The following MBOAT1 variants were observed in gnomAD, a reference collection of about 807,000 sequenced individuals.
MBOAT1 encodes membrane bound glycerophospholipid O-acyltransferase 1.
Under a neutral mutation model 64.4 loss-of-function variants are expected in MBOAT1, and 67 were observed. The observed-to-expected ratio is 1.04, with a 90% CI of 0.85 to 1.27. MBOAT1 has a LOEUF of 1.27. MBOAT1 is among the 50% of genes most tolerant of loss of function. The pLI is 0.00. For missense variants in MBOAT1, 563 were observed against 604.6 expected (o/e 0.93, Z 0.72); for synonymous variants, 229 against 218.9 (o/e 1.05, Z -0.41).
At chr6:20,144,826 G>A (rs1218460462) in intron 3 of MBOAT1, among the ~76,000 whole-genome samples, 7 of 152,074 alleles carry the variant, frequency 4.6e-5, no homozygotes, top group African/African-American at 1.7e-4. Flanking sequence ...TTCCTCCAAG[G>A]CTCCTTGCTC....
At chr6:20,197,120 AT>A (rs35169311) in intron 1 of MBOAT1, among the ~76,000 whole-genome samples, 110,342 of 150,998 alleles carry the variant, frequency 0.73, 40,695 homozygotes, top group Admixed American at 0.79. Context: ...ATCTTTACAA[AT>A]TTTTTTTTTT....
chr6:20,136,091 T>C (rs2113668306), intron 4 of MBOAT1, among the ~76,000 whole-genome samples: 1 of 152,340 alleles, frequency 6.6e-6, no homozygotes, highest in East Asian at 1.9e-4. Flanking sequence ...TTCAGTGGAA[T>C]GCTCCCAATT....
At chr6:20,185,695 C>T (rs1427507652) in intron 1 of MBOAT1, among the ~76,000 whole-genome samples, 1 of 152,136 alleles carries the variant, frequency 6.6e-6, no homozygotes, top group Non-Finnish European at 1.5e-5. Flanking sequence ...TGACAGTGTC[C>T]AACATATGGC....
At chr6:20,195,295 T>C (rs1762923478) in intron 1 of MBOAT1, among the ~76,000 whole-genome samples, 1 of 152,186 alleles carries the variant, frequency 6.6e-6, no homozygotes, top group Admixed American at 6.5e-5. Flanking sequence ...CGAATGCTTT[T>C]TTACTTTGTT....
chr6:20,163,448 C>G (rs1761922357), intron 1 of MBOAT1, among the ~76,000 whole-genome samples: 2 of 152,122 alleles, frequency 1.3e-5, no homozygotes, highest in Non-Finnish European at 1.5e-5. Flanking sequence ...ATTCCTTCTG[C>G]CTGTATAATT....
intron 1 of MBOAT1, among the ~76,000 whole-genome samples, chr6:20,204,000 A>G (rs1317091526): frequency 1.3e-5 from 2 of 152,348 alleles, no homozygotes; most frequent in South Asian, 2.1e-4. Context: ...GCTGTTTTAC[A>G]GATGGGAAGC....
Position 20,101,897 on chromosome 6 carries a change from C to T in MBOAT1, c.*389G>A, listed in dbSNP as rs1285456050. 4.6e-5 allele frequency among the ~76,000 whole-genome samples: 7 copies of T among 151,700 alleles called. No homozygotes were observed. Among genetic ancestry groups the T allele is most frequent in the African/African-American group, 1.5e-4 (6 of 41,314 alleles). Reference sequence around the variant, plus strand: ...TTGGGAGGCCGAGGCGGGCGGATCACGAGGTCAGGAGATCGAGACCATCCC... The same window carrying T: ...TTGGGAGGCCGAGGCGGGCGGATCATGAGGTCAGGAGATCGAGACCATCCC... On this transcript the variant is annotated 3_prime_UTR_variant, in exon 13 of 13. Transcript: ENST00000324607.
intron 1 of MBOAT1, among the ~76,000 whole-genome samples, chr6:20,193,604 C>CT (rs367932037): frequency 0.15 from 19,677 of 129,734 alleles, 2,206 homozygotes; most frequent in African/African-American, 0.31. Flanking sequence ...ACCAAAAATC[C>CT]TTTTTTTTTT....
Position 20,111,058 on chromosome 6 carries a change from T to C in MBOAT1, c.1210-1309A>G, listed in dbSNP as rs1470543216. On this transcript the variant is annotated intron_variant, in intron 11 of 12. Transcript: ENST00000324607. ...GATTCTCTCATCAAGCCTATTATGT[T>C]AGCATCATGATTCCCGTTTTACAGA... Among the ~76,000 whole-genome samples, 2 of 152,220 alleles carry C rather than the reference T, an allele frequency of 1.3e-5. 1 individual carries two copies. The highest frequency in any genetic ancestry group is 2.9e-5 in the Non-Finnish European group (2 of 68,034).
chr6:20,120,965 ATAAAT>A lies in MBOAT1; in HGVS notation c.908-2430_908-2426del, dbSNP rs551611460. 7.2e-5 allele frequency among the ~76,000 whole-genome samples: 11 copies of A among 152,334 alleles called. No homozygotes were observed. The South Asian group carries it at 2.3e-3, about 32-fold the overall frequency. ...GCATGGTTCCAATCTATTATTACAG[ATAAAT>A]TAATTTGTACGCCCATCTGTTGGAC... On this transcript the variant is annotated intron_variant, in intron 8 of 12. Transcript: ENST00000324607.
At chr6:20,189,167 A>T (rs1398179750) in intron 1 of MBOAT1, among the ~76,000 whole-genome samples, 1 of 152,198 alleles carries the variant, frequency 6.6e-6, no homozygotes, top group Non-Finnish European at 1.5e-5. Context: ...GGTCCTTAGG[A>T]CATTTTGAGA....
intron 7 of MBOAT1, among the ~76,000 whole-genome samples, chr6:20,125,392 G>A (rs930795674): frequency 3.9e-5 from 6 of 152,278 alleles, no homozygotes; most frequent in African/African-American, 1.2e-4. Flanking sequence ...TGCTTAGCAC[G>A]CTCAGCCACA....
At chr6:20,133,949 G>A (rs1760906848) in intron 4 of MBOAT1, among the ~76,000 whole-genome samples, 1 of 152,172 alleles carries the variant, frequency 6.6e-6, no homozygotes, top group African/African-American at 2.4e-5. Context: ...ATGACTGAGT[G>A]CAGTAGGGAC....
At chr6:20,112,660 AACAT>A (rs1464415163) in intron 11 of MBOAT1, among the ~76,000 whole-genome samples, 4 of 152,208 alleles carry the variant, frequency 2.6e-5, no homozygotes, top group African/African-American at 9.7e-5. Flanking sequence ...ACGAACTACG[AACAT>A]ACAATGGTTA....
intron 10 of MBOAT1, among the ~76,000 whole-genome samples, chr6:20,113,649 GT>G (rs1760237925): frequency 1.3e-5 from 2 of 151,922 alleles, no homozygotes; most frequent in Admixed American, 1.3e-4. Flanking sequence ...TCTAGCAAAT[GT>G]CAGCAAATAC....
At chr6:20,168,632 AGAAGAGAAGAGAGG>A (rs1428756218) in intron 1 of MBOAT1, among the ~76,000 whole-genome samples, 14 of 126,774 alleles carry the variant, frequency 1.1e-4, no homozygotes, top group African/African-American at 3.7e-4. Context: ...AGAAGAGAAG[AGAAGAGAAGAGAGG>A]AGAGGAGAGG....
chr6:20,192,995 CTTTTTTTTTTTTTT>C (rs1174816793), intron 1 of MBOAT1, among the ~76,000 whole-genome samples: 10 of 55,048 alleles, frequency 1.8e-4, no homozygotes, highest in African/African-American at 5.7e-4. Flanking sequence ...GCTATAATTT[CTTTTTTTTTTTTTT>C]TTTTTTTTTT....
At chr6:20,171,480 G>A (rs9350218) in intron 1 of MBOAT1, among the ~76,000 whole-genome samples, 71,354 of 151,396 alleles carry the variant, frequency 0.47, 16,972 homozygotes, top group Admixed American at 0.52. Flanking sequence ...TTGAGCCCGG[G>A]AGGTCTAGGC....
intron 1 of MBOAT1, among the ~76,000 whole-genome samples, chr6:20,182,811 T>A (rs1355068649): frequency 6.6e-6 from 1 of 152,160 alleles, no homozygotes; most frequent in African/African-American, 2.4e-5. Flanking sequence ...TTTCTCCACA[T>A]CAAAGTTGAT....
Sources: gnomAD v4.1 joint callset for allele counts (sites outside exome capture counted in the v4.1 genomes callset) on GRCh38, gnomAD v4.1.1 for gene constraint, MANE v1.5 for transcripts, NCBI Gene and HGNC (gene_info 2026-07-23, HGNC 2026-07-21) for gene names.